Variants in ASAP1 observed in about 807,000 individuals in gnomAD.
ASAP1 encodes the protein ArfGAP with SH3 domain, ankyrin repeat and PH domain 1.
Under a neutral mutation model 145.2 loss-of-function variants are expected in ASAP1, and 43 were observed. The ratio of observed to expected loss-of-function variants is 0.30; its 90% confidence interval spans 0.23 to 0.38. The LOEUF (loss-of-function observed/expected upper bound fraction) is 0.38. Among genes scored for constraint, ASAP1 ranks in the 10% least tolerant of loss-of-function variants. ASAP1 has a pLI of 1.00. For missense variants in ASAP1, 1,018 were observed against 1,355.3 expected, an observed-to-expected ratio of 0.75 and a Z score of 3.91; for synonymous variants, 546 against 515.5, an observed-to-expected ratio of 1.06 and a Z score of -0.80.
At chr8:130,394,321 G>T (rs184240928) in intron 2 of ASAP1, among the ~76,000 whole-genome samples, 1 of 152,162 alleles carries the variant, frequency 6.6e-6, no homozygotes, top group Admixed American at 6.5e-5. Flanking sequence ...GGCCCCCTTG[G>T]GTGTGGCCAT....
intron 5 of ASAP1, among the ~76,000 whole-genome samples, chr8:130,211,066 T>C (rs991634940): frequency 1.3e-5 from 2 of 152,290 alleles, no homozygotes; most frequent in South Asian, 2.1e-4. Context: ...GAAACTAGGA[T>C]TCCAGGTGTG....
chr8:130,423,146 C>G (rs1587017980), intron 1 of ASAP1, among the ~76,000 whole-genome samples: 2 of 152,160 alleles, frequency 1.3e-5, no homozygotes, highest in East Asian at 3.9e-4. Flanking sequence ...CTCTGTCACC[C>G]AGGCTGGAGT....
At chr8:130,424,495 C>T (rs1001172977) in intron 1 of ASAP1, among the ~76,000 whole-genome samples, 4 of 152,212 alleles carry the variant, frequency 2.6e-5, no homozygotes, top group Non-Finnish European at 2.9e-5. Context: ...CCAGAGGCTA[C>T]CTTGTAGGCT....
intron 13 of ASAP1, among the ~76,000 whole-genome samples, chr8:130,138,097 G>T (rs1398186039): frequency 3.9e-5 from 6 of 152,192 alleles, no homozygotes; most frequent in Non-Finnish European, 7.4e-5. Flanking sequence ...GAAAAGAGAG[G>T]GGGAGGGAGT....
At chr8:130,351,520 T>C (rs181070262) in intron 3 of ASAP1, among the ~76,000 whole-genome samples, 36 of 152,264 alleles carry the variant, frequency 2.4e-4, no homozygotes, top group African/African-American at 7.5e-4. Flanking sequence ...GAAAGGAAAT[T>C]CTGCAGGCTG....
intron 5 of ASAP1, among the ~76,000 whole-genome samples, chr8:130,204,113 A>G (rs1009526255): frequency 2.0e-5 from 3 of 152,150 alleles, no homozygotes; most frequent in African/African-American, 7.2e-5. Context: ...GTTGCGGGCT[A>G]TTGAGCGAAG....
intron 3 of ASAP1, among the ~76,000 whole-genome samples, chr8:130,318,308 C>T (rs191752270): frequency 1.5e-4 from 23 of 152,262 alleles, no homozygotes; most frequent in African/African-American, 5.1e-4. Flanking sequence ...TTTCAAATTC[C>T]TGGCTTCAAG....
intron 3 of ASAP1, among the ~76,000 whole-genome samples, chr8:130,290,187 C>A (rs1586763700): frequency 6.6e-6 from 1 of 152,160 alleles, no homozygotes; most frequent in Non-Finnish European, 1.5e-5. Context: ...TTGCCAGCCA[C>A]TTCATACTCC....
intron 17 of ASAP1, 128 bp from the exon 18 acceptor site, chr8:130,124,232 C>T (rs982117328): frequency 5.8e-5 from 40 of 685,714 alleles, no homozygotes; most frequent in African/African-American, 1.3e-4. Context: ...TACAAACCAC[C>T]GTCCATCTGG....
intron 2 of ASAP1, among the ~76,000 whole-genome samples, chr8:130,367,001 C>T (rs943029215): frequency 3.3e-5 from 5 of 150,654 alleles, no homozygotes; most frequent in African/African-American, 9.8e-5. Flanking sequence ...AAGCGATTCT[C>T]CTACCTCAGC....
intron 1 of ASAP1, among the ~76,000 whole-genome samples, chr8:130,428,373 C>T (rs561956844): frequency 6.9e-6 from 1 of 144,232 alleles, no homozygotes; most frequent in South Asian, 2.2e-4. Context: ...CATGTGGCCA[C>T]CTTCTGGGTG....
rs186048707 is a variant in ASAP1 at position 130,159,756 on chromosome 8, C to G, written c.1010+108G>C. 1.3e-4 allele frequency: 110 copies of G among 840,258 alleles called. No individual in the cohort carries two copies. In the African/African-American group the frequency reaches 1.7e-3, roughly 13 times the overall value. 52.1% of individuals were successfully genotyped at this position (840,258 alleles called of 1,614,324 possible). On this transcript the variant is annotated intron_variant, in intron 12 of 29. Coordinates refer to ENST00000518721, the MANE Select transcript of ASAP1 (RefSeq NM_018482.4). The stretch of plus-strand genomic sequence containing the variant: ...TGAAGAAAACCAGTGTGCTAAAGGT[C>G]TGCAGCTAGTGTATTATAAAATTTT...
chr8:130,152,891 T>A (rs1394223144), intron 12 of ASAP1, 86 bp from the exon 13 acceptor site: 2 of 1,061,790 alleles, frequency 1.9e-6, no homozygotes, highest in East Asian at 5.3e-5. Flanking sequence ...TAATAATAAT[T>A]ACAAAATAAC....
At chr8:130,192,837 G>A (rs1040481288) in intron 5 of ASAP1, among the ~76,000 whole-genome samples, 3 of 152,268 alleles carry the variant, frequency 2.0e-5, no homozygotes, top group Admixed American at 6.5e-5. Context: ...AATACTTGCA[G>A]AAGAAATGAA....
intron 4 of ASAP1, among the ~76,000 whole-genome samples, chr8:130,229,655 T>G (rs1471436767): frequency 6.6e-6 from 1 of 152,226 alleles, no homozygotes; most frequent in African/African-American, 2.4e-5. Flanking sequence ...CTATATTTAT[T>G]TTTACCAAAA....
At position 130,052,871 on chromosome 8, in the gene ASAP1, C is replaced by G. The variant is rs1333125805; in HGVS notation, c.*1860G>C. On this transcript the variant is annotated 3_prime_UTR_variant, in exon 30 of 30. Coordinates refer to ENST00000518721, the MANE Select transcript of ASAP1 (RefSeq NM_018482.4). ...CCGGGACACTGAGCAACCTCAGATG[C>G]AGACTTCCATCCGGACACTGGTGTG... 6.6e-6 allele frequency: 1 copy of G among 151,996 alleles called. No homozygotes were observed. The highest frequency in any genetic ancestry group is 1.5e-5 in the Non-Finnish European group (1 of 68,022). 9.4% of individuals were successfully genotyped at this position (151,996 alleles called of 1,614,324 possible). A position where few individuals can be genotyped will look rare whatever the true frequency, so the allele number is the denominator to read the frequency against.
In ASAP1 at chr8:130,236,957, T is replaced by C. The variant is rs1330222038; in HGVS notation, c.224A>G (p.Lys75Arg). The C allele has an allele frequency of 6.2e-7, 1 of 1,605,512 alleles. No homozygotes were observed. Among genetic ancestry groups the C allele is most frequent in the Non-Finnish European group, 8.5e-7 (1 of 1,175,850 alleles). Residue 75 changes from lysine to arginine, a missense_variant, in exon 4 of 30, where the codon AAG becomes AGG. Around this residue, in one of 9 missense-constraint regions of ASAP1, gnomAD observed 106 missense variants for 134.5 expected, o/e 0.79. Coordinates refer to ENST00000518721, the MANE Select transcript of ASAP1 (RefSeq NM_018482.4). ...ATTATATATTGCTTTTACAGACTTC[T>C]TCACTTTCTGAAGGGCTGTTCTATC... is the stretch of plus-strand genomic sequence containing the variant. ...DQDRTALQKV[K>R]KSVKAIYNSG...
chr8:130,316,278 A>C (rs1322777324), intron 3 of ASAP1, among the ~76,000 whole-genome samples: 2 of 152,170 alleles, frequency 1.3e-5, no homozygotes, highest in African/African-American at 4.8e-5. Flanking sequence ...AATTCTTTCT[A>C]CTGCAACATC....
At chr8:130,105,786 A>G (rs941900615) in intron 24 of ASAP1, among the ~76,000 whole-genome samples, 1 of 152,224 alleles carries the variant, frequency 6.6e-6, no homozygotes, top group Non-Finnish European at 1.5e-5. Flanking sequence ...AGGGCTGGCC[A>G]GGATTACAGG....
Sources: allele counts gnomAD v4.1 joint callset (sites outside exome capture counted in the v4.1 genomes callset), GRCh38; gene constraint gnomAD v4.1.1; regional missense constraint gnomAD v4.1.1; transcripts MANE v1.5; gene names NCBI Gene and HGNC (gene_info 2026-07-23, HGNC 2026-07-21).